ZGRF1: variants seen among roughly 807,000 people sequenced by gnomAD.
ZGRF1 encodes the protein zinc finger GRF-type containing 1, also known as 5'-3' DNA helicase ZGRF1.
Under a neutral mutation model 203.5 loss-of-function variants are expected in ZGRF1, and 196 were observed. The observed-to-expected ratio is 0.96, with a 90% CI of 0.86 to 1.08. The LOEUF is 1.08. ZGRF1 is among the 50% of genes least tolerant of loss of function. The pLI is 0.00. For missense variants in ZGRF1, 2,326 were observed against 2,416.3 expected (o/e 0.96, Z 0.78); for synonymous variants, 809 against 841.3 (o/e 0.96, Z 0.66).
intron 10 of ZGRF1, among the ~76,000 whole-genome samples, chr4:112,592,782 T>C (rs7676983): frequency 0.033 from 5,072 of 152,280 alleles, 277 homozygotes; most frequent in African/African-American, 0.11. Context: ...TCCTCCCTGC[T>C]ATGGAGAGAA....
chr4:112,542,401 G>T (rs1163460992), intron 24 of ZGRF1, among the ~76,000 whole-genome samples: 2 of 152,144 alleles, frequency 1.3e-5, no homozygotes, highest in African/African-American at 4.8e-5. Context: ...AGTAACAAGG[G>T]GAGATGATTT....
chr4:112,631,741 T>C (rs1443722627), intron 3 of ZGRF1, among the ~76,000 whole-genome samples, 189 bp downstream of exon 3: 5 of 150,716 alleles, frequency 3.3e-5, no homozygotes, highest in Non-Finnish European at 7.5e-5. Flanking sequence ...ATTCGTTCTA[T>C]CTATTAATGA....
chr4:112,601,136 C>T (rs1179146993), intron 10 of ZGRF1, among the ~76,000 whole-genome samples: 2 of 151,038 alleles, frequency 1.3e-5, no homozygotes, highest in Non-Finnish European at 2.9e-5. Flanking sequence ...CTAGGCCAGG[C>T]GTGGTGGTTC....
At chr4:112,590,651 C>T (rs1247458410) in intron 10 of ZGRF1, among the ~76,000 whole-genome samples, 4 of 151,994 alleles carry the variant, frequency 2.6e-5, no homozygotes, top group Admixed American at 2.6e-4. Flanking sequence ...AAGAGCCAGG[C>T]GCAGTGGCTC....
intron 16 of ZGRF1, among the ~76,000 whole-genome samples, chr4:112,568,702 ACT>A (rs959092903): frequency 8.3e-6 from 1 of 119,884 alleles, no homozygotes; most frequent in Non-Finnish European, 1.7e-5. Context: ...CGAGAGTGAA[ACT>A]CTGTCTCAAA....
At chr4:112,575,419 G>A (rs1366767583) in intron 16 of ZGRF1, among the ~76,000 whole-genome samples, 1 of 152,112 alleles carries the variant, frequency 6.6e-6, no homozygotes, top group Non-Finnish European at 1.5e-5. Context: ...GGGAGTGTTG[G>A]ACAGTGGGTG....
intron 6 of ZGRF1, among the ~76,000 whole-genome samples, chr4:112,613,545 T>C (rs1042236567): frequency 2.6e-5 from 4 of 152,182 alleles, no homozygotes; most frequent in African/African-American, 7.2e-5. Context: ...GGGTATCTCA[T>C]TGAACAGTGA....
intron 8 of ZGRF1, chr4:112,607,698 G>A (rs1053752995): frequency 3.9e-5 from 6 of 152,336 alleles, no homozygotes; most frequent in South Asian, 4.1e-4. Context: ...TTTGGGAGGT[G>A]GAGGTGGGAG....
intron 20 of ZGRF1, 104 bp downstream of exon 20, chr4:112,558,046 G>T: frequency 1.1e-6 from 1 of 891,020 alleles, no homozygotes; most frequent in Non-Finnish European, 1.7e-6. Flanking sequence ...TTGCATTCTT[G>T]GCATAACCAG....
At chr4:112,619,836 AT>A (rs1269056596) in intron 5 of ZGRF1, 146 bp from the exon 6 acceptor site, 4 of 916,212 alleles carry the variant, frequency 4.4e-6, no homozygotes, top group Non-Finnish European at 6.4e-6. Flanking sequence ...GTCAAAGTAC[AT>A]TCATTTGTAA....
chr4:112,630,213 G>A (rs1359110826), intron 3 of ZGRF1, among the ~76,000 whole-genome samples: 1 of 152,000 alleles, frequency 6.6e-6, no homozygotes. Flanking sequence ...TTAAGAAATA[G>A]TAGGGCCAGG....
chr4:112,548,304 A>G lies in ZGRF1; in HGVS notation c.5423T>C (p.Leu1808Pro). 5 of 1,552,728 alleles carry G rather than the reference A, an allele frequency of 3.2e-6. No homozygotes were observed. The highest frequency in any genetic ancestry group is 4.4e-6 in the Non-Finnish European group (5 of 1,147,338). Residue 1808 changes from leucine (L) to proline (P), a missense_variant, in exon 23 of 28, where the codon CTG becomes CCG. Leu to Pro is a moderately conservative substitution (Grantham distance 98). Coordinates refer to ENST00000505019, the MANE Select transcript of ZGRF1 (RefSeq NM_018392.5). ...TTCAGTTATCTGACTACACTCATCC[A>G]GCACAACTACAGGAAATTTAAGATC... ...MNDLKFPVVVLDECSQITEPA... is the reference protein window; with the variant it reads ...MNDLKFPVVVPDECSQITEPA...
chr4:112,581,206 C>T (rs1746181200), intron 16 of ZGRF1, among the ~76,000 whole-genome samples: 1 of 144,632 alleles, frequency 6.9e-6, no homozygotes, highest in Non-Finnish European at 1.5e-5. Context: ...CATGTTCTCA[C>T]TCATAGGTGG....
intron 16 of ZGRF1, among the ~76,000 whole-genome samples, chr4:112,576,724 T>C (rs1745303009): frequency 6.6e-6 from 1 of 151,876 alleles, no homozygotes; most frequent in Admixed American, 6.6e-5. Context: ...GAGAAGTTTA[T>C]GGAAAAAAGA....
At chr4:112,633,118 G>T in intron 2 of ZGRF1, 38 bp downstream of exon 2, 1 of 1,575,062 alleles carries the variant, frequency 6.3e-7, no homozygotes, top group South Asian at 1.1e-5. Flanking sequence ...GACAGAGGAA[G>T]GGAATTTCAC....
intron 16 of ZGRF1, among the ~76,000 whole-genome samples, chr4:112,574,862 C>T (rs1269840509): frequency 6.6e-6 from 1 of 151,968 alleles, no homozygotes; most frequent in Non-Finnish European, 1.5e-5. Flanking sequence ...CCTGTCTCTA[C>T]TAAAAATACA....
At chr4:112,591,594 C>T (rs1013677910) in intron 10 of ZGRF1, among the ~76,000 whole-genome samples, 1 of 152,124 alleles carries the variant, frequency 6.6e-6, no homozygotes, top group Non-Finnish European at 1.5e-5. Context: ...TCACCCTCCC[C>T]CTCACTCACT....
At chr4:112,598,130 A>G (rs56138080) in intron 10 of ZGRF1, among the ~76,000 whole-genome samples, 66,138 of 151,976 alleles carry the variant, frequency 0.44, 14,567 homozygotes, top group Admixed American at 0.5. Flanking sequence ...CTAGGAAGGC[A>G]GCAATGGGCA....
chr4:112,570,226 G>C (rs1379666625), intron 16 of ZGRF1, among the ~76,000 whole-genome samples: 1 of 152,088 alleles, frequency 6.6e-6, no homozygotes, highest in Non-Finnish European at 1.5e-5. Context: ...TATTTCTCTT[G>C]TACTATGCCA....
Sources: allele counts gnomAD v4.1 joint callset (sites outside exome capture counted in the v4.1 genomes callset), GRCh38; gene constraint gnomAD v4.1.1; transcripts MANE v1.5; gene names NCBI Gene and HGNC (gene_info 2026-07-23, HGNC 2026-07-21).